PNLDC1: variants seen among roughly 807,000 people sequenced by gnomAD.
PNLDC1 encodes PARN like ribonuclease domain containing exonuclease 1.
In PNLDC1, 70 loss-of-function variants were observed where a neutral mutation model predicts 82.0. That is an observed-to-expected ratio of 0.85 (90% CI 0.70 to 1.04). PNLDC1 has a LOEUF of 1.04. Among genes scored for constraint, PNLDC1 ranks in the 50% least tolerant of loss-of-function variants. The pLI, the probability that PNLDC1 is intolerant of heterozygous loss-of-function variation, is 0.00. For missense variants in PNLDC1, 631 were observed against 661.1 expected (o/e 0.95, Z 0.50); for synonymous variants, 280 against 249.3 (o/e 1.12, Z -1.16).
rs1181423321 is a variant in PNLDC1 at position 159,803,984 on chromosome 6, A to G, written c.268A>G (p.Asn90Asp). Residue 90 changes from asparagine (N) to aspartate (D), a missense_variant, in exon 5 of 19, where the codon AAC becomes GAC. By Grantham distance (23) the Asn-to-Asp change is conservative (BLOSUM62 1). Coordinates refer to ENST00000392167, the MANE Select transcript of PNLDC1 (RefSeq NM_001271862.2). ...TTATAGGTATATAGCCCATTCTTGT[A>G]ACTTCTATCTCTTCCCTACAACGTT... is the stretch of plus-strand genomic sequence containing the variant. The part of the protein sequence containing the change: ...EANKYIAHSC[N>D]FYLFPTTFGI... The G allele has an allele frequency of 6.8e-6, 11 of 1,613,386 alleles. No individual in the cohort carries two copies. Among genetic ancestry groups the G allele is most frequent in the Non-Finnish European group, 9.3e-6 (11 of 1,179,408 alleles).
chr6:159,800,667 G>A (rs1781209970), intron 1 of PNLDC1, 105 bp from the exon 2 acceptor site: 2 of 1,612,640 alleles, frequency 1.2e-6, no homozygotes, highest in Non-Finnish European at 1.7e-6. Flanking sequence ...GGCTTCTTGA[G>A]CGCAGAGGTG....
rs1002088444 is a variant in PNLDC1, at chr6:159,820,505, A to G, written c.1584A>G (p.Arg528=). 4 of 1,613,998 alleles carry G rather than the reference A, an allele frequency of 2.5e-6. No individual in the cohort carries two copies. The African/African-American group carries it at 4.0e-5, about 16-fold the overall frequency. The change falls in exon 19 of 19, where the codon AGA becomes AGG. Residue 528 remains arginine, a synonymous_variant. Transcript: ENST00000392167. ...CCCTTCTCGCGTTCATCCTTGGAAG[A>G]TCTGGTACCTGAGTGCAGCGAGGCC... ...AWALLAFILG[R]SGT
rs560883279 is a variant in PNLDC1 at position 159,800,950 on chromosome 6, G to A, written c.134+121G>A. 2.8e-5 allele frequency: 42 copies of A among 1,477,016 alleles called. No homozygotes were observed. In the South Asian group the frequency reaches 4.6e-4, roughly 16 times the overall value. 91.5% of individuals were successfully genotyped at this position (1,477,016 alleles called of 1,614,324 possible). A position where few individuals can be genotyped will look rare whatever the true frequency, so the allele number is the denominator to read the frequency against. On this transcript the variant is annotated intron_variant, in intron 2 of 18. Coordinates refer to ENST00000392167, the MANE Select transcript of PNLDC1 (RefSeq NM_001271862.2). ...TTGTGTGGCTTGCTCCTACGTGTTG[G>A]AGGACCTTGCTTTTTTCTGTCCACT...
Position 159,818,601 on chromosome 6 carries a change from C to G in PNLDC1, c.1204C>G (p.Leu402Val). ...ESSFPQYLDVLAPYVNQVNLI... is the reference protein window; with the variant it reads ...ESSFPQYLDVVAPYVNQVNLI... ...ATCCTTTCCTCAGTACCTTGACGTG[C>G]TGGCTCCTTACGTGAACCAAGTGAA... is the stretch of plus-strand genomic sequence containing the variant. The change falls in exon 16 of 19, where the codon CTG becomes GTG. Residue 402 changes from leucine (L) to valine (V), a missense_variant. Physicochemically the swap from Leu to Val is conservative, Grantham distance 32 (BLOSUM62 1). Coordinates refer to ENST00000392167, the MANE Select transcript of PNLDC1 (RefSeq NM_001271862.2). 3.1e-6 allele frequency: 5 copies of G among 1,613,892 alleles called. No homozygotes were observed. Among genetic ancestry groups the G allele is most frequent in the Non-Finnish European group, 4.2e-6 (5 of 1,180,030 alleles).
At chr6:159,817,935 A>ACC (rs758277460) in intron 15 of PNLDC1, among the ~76,000 whole-genome samples, 8 of 152,100 alleles carry the variant, frequency 5.3e-5, no homozygotes, top group Non-Finnish European at 7.4e-5. Context: ...TGCCAGCCTA[A>ACC]CCCCCTCTCT....
At chr6:159,802,450 C>T (rs527518346) in intron 3 of PNLDC1, among the ~76,000 whole-genome samples, 92 of 152,014 alleles carry the variant, frequency 6.1e-4, no homozygotes, top group African/African-American at 2.1e-3. Context: ...TGTGTGTTTT[C>T]CTCTCTATCC....
At chr6:159,800,248 C>T (rs1466948665), upstream of PNLDC1, 7 of 783,058 alleles carry the variant, frequency 8.9e-6, no homozygotes, top group South Asian at 1.2e-4. Context: ...GACGGAAGCG[C>T]GTGGGCAGCA....
intron 10 of PNLDC1, 77 bp from the exon 11 acceptor site, chr6:159,811,624 G>A (rs1781647798): frequency 8.7e-7 from 1 of 1,148,330 alleles, no homozygotes; most frequent in East Asian, 2.3e-5. Flanking sequence ...CCAGTGGCAA[G>A]CTAGGTTCAA....
intron 7 of PNLDC1, among the ~76,000 whole-genome samples, chr6:159,807,684 A>G (rs1781497729): frequency 6.6e-6 from 1 of 152,238 alleles, no homozygotes. Flanking sequence ...GCGCTATCTT[A>G]TCTCATAGAT....
chr6:159,800,261 TGGGC>T (rs1781185722), upstream of PNLDC1: 3 of 1,513,098 alleles, frequency 2.0e-6, no homozygotes, highest in African/African-American at 2.8e-5. Context: ...GGGCAGCACG[TGGGC>T]AGCACGTGAT....
In PNLDC1 at chr6:159,811,745, G is replaced by T. The variant is rs1562502438; in HGVS notation, c.898G>T (p.Val300Phe). 2 of 1,613,628 alleles carry T rather than the reference G, an allele frequency of 1.2e-6. No homozygotes were observed. Among genetic ancestry groups the T allele is most frequent in the African/African-American group, 2.7e-5 (2 of 74,908 alleles). Residue 300 changes from valine to phenylalanine, a missense_variant, in exon 11 of 19, where the codon GTT becomes TTT. Transcript: ENST00000392167. ...FKQNIHSLFPVLIDTKSVTKD... is the reference protein window; with the variant it reads ...FKQNIHSLFPFLIDTKSVTKD... ...GCAGAATATCCACAGCCTATTTCCTGTTCTCATTGATACCAAGAGTGTAAC... is the reference window on the plus strand; with the variant it reads ...GCAGAATATCCACAGCCTATTTCCTTTTCTCATTGATACCAAGAGTGTAAC...
chr6:159,810,668 C>T (rs1018311155), intron 10 of PNLDC1, among the ~76,000 whole-genome samples: 4 of 152,166 alleles, frequency 2.6e-5, no homozygotes, highest in African/African-American at 9.7e-5. Flanking sequence ...ACACTCACTA[C>T]GTGCGTAGTC....
At chr6:159,818,866 A>G in intron 16 of PNLDC1, 80 bp from the exon 17 acceptor site, 1 of 1,478,414 alleles carries the variant, frequency 6.8e-7, no homozygotes, top group Non-Finnish European at 9.2e-7. Flanking sequence ...AGCCTTTCCT[A>G]GTTTCTTTTG....
At chr6:159,816,398 G>A (rs1781830213) in intron 13 of PNLDC1, 145 bp from the exon 14 acceptor site, 3 of 770,384 alleles carry the variant, frequency 3.9e-6, no homozygotes, top group Non-Finnish European at 6.9e-6. Context: ...GAGGACCAAG[G>A]TGAAGTTGGT....
chr6:159,814,484 G>A (rs766085036), intron 12 of PNLDC1, among the ~76,000 whole-genome samples: 4 of 152,082 alleles, frequency 2.6e-5, no homozygotes, highest in Admixed American at 1.3e-4. Context: ...AGGACACTGC[G>A]TTTACCAGCT....
intron 3 of PNLDC1, among the ~76,000 whole-genome samples, chr6:159,802,889 CTTT>C (rs201440513): frequency 6.9e-6 from 1 of 145,422 alleles, no homozygotes. Context: ...GGCCTGAAGT[CTTT>C]TTTTTTTTTA....
At position 159,819,180 on chromosome 6, in the gene PNLDC1, G is replaced by C; in HGVS notation, c.1433+59G>C. On this transcript the variant is annotated intron_variant, in intron 17 of 18. Coordinates refer to ENST00000392167, the MANE Select transcript of PNLDC1 (RefSeq NM_001271862.2). This position sits in a 1 kb window ranked among gnomAD's most constrained non-coding sequence, Gnocchi z 4.6. ...CGTGCGTTCATCCCTGTATCTCTCT[G>C]ACTCCACCCGCCTGATCACAGCAGG... The C allele has an allele frequency of 3.1e-6, 5 of 1,610,046 alleles. 1 individual carries two copies. The South Asian group carries it at 5.5e-5, about 18-fold the overall frequency.
chr6:159,804,488 GCA>G (rs1781376695), intron 5 of PNLDC1, 59 bp from the exon 6 acceptor site: 3 of 1,139,816 alleles, frequency 2.6e-6, no homozygotes, highest in Admixed American at 3.6e-5. Context: ...GTGAAATCAG[GCA>G]CAGAGGATCC....
intron 9 of PNLDC1, among the ~76,000 whole-genome samples, chr6:159,809,710 G>T (rs557169705): frequency 4.2e-4 from 64 of 152,238 alleles, no homozygotes; most frequent in African/African-American, 1.5e-3. Flanking sequence ...GCTCCTTTCC[G>T]TAACACAGGA....
Sources: gnomAD v4.1 joint callset for allele counts (sites outside exome capture counted in the v4.1 genomes callset) on GRCh38, gnomAD v4.1.1 for gene constraint, Gnocchi (gnomAD v3.1) non-coding constraint, MANE v1.5 for transcripts, NCBI Gene and HGNC (gene_info 2026-07-23, HGNC 2026-07-21) for gene names.